Variants in XPR1 observed in about 807,000 individuals in gnomAD.
The protein encoded by XPR1 is solute carrier family 53 member 1.
In XPR1, 28 loss-of-function variants were observed where a neutral mutation model predicts 87.5. That is an observed-to-expected ratio of 0.32 (90% CI 0.24 to 0.44). The LOEUF is 0.44. XPR1 is among the 20% of genes least tolerant of loss of function. The probability of loss-of-function intolerance (pLI) is 1.00; values close to 1 mark genes in which losing one functional copy is unlikely to be tolerated. For synonymous variants in XPR1, 300 were observed against 306.1 expected, an observed-to-expected ratio of 0.98 and a Z score of 0.21; for missense variants, 559 against 862.3, an observed-to-expected ratio of 0.65 and a Z score of 4.41.
At chr1:180,671,561 G>GT (rs1656175619) in intron 1 of XPR1, among the ~76,000 whole-genome samples, 1 of 152,132 alleles carries the variant, frequency 6.6e-6, no homozygotes, top group East Asian at 1.9e-4. Context: ...GTCTCGTCCT[G>GT]TCACCCAGGC....
intron 2 of XPR1, among the ~76,000 whole-genome samples, chr1:180,708,171 A>T (rs1571748945): frequency 6.6e-6 from 1 of 152,196 alleles, no homozygotes; most frequent in African/African-American, 2.4e-5. Context: ...TCTATTACAA[A>T]TAGGAGTTTT....
intron 7 of XPR1, among the ~76,000 whole-genome samples, chr1:180,822,788 A>T (rs1263547190): frequency 2.0e-5 from 3 of 152,222 alleles, no homozygotes; most frequent in East Asian, 1.9e-4. Flanking sequence ...ACTTTAAAAA[A>T]AAATAAATAA....
At chr1:180,872,719 C>T (rs1652542059) in intron 12 of XPR1, among the ~76,000 whole-genome samples, 1 of 145,888 alleles carries the variant, frequency 6.9e-6, no homozygotes, top group Non-Finnish European at 1.5e-5. Context: ...CACTGTCTGG[C>T]ACTCCCTAGT....
intron 13 of XPR1, among the ~76,000 whole-genome samples, chr1:180,878,637 G>A (rs747155077): frequency 6.6e-6 from 1 of 152,176 alleles, no homozygotes; most frequent in East Asian, 1.9e-4. Context: ...CAGCTAGCAA[G>A]TGGTAGAGCC....
chr1:180,728,300 G>C (rs866695249), intron 2 of XPR1, among the ~76,000 whole-genome samples: 3 of 146,284 alleles, frequency 2.1e-5, no homozygotes, highest in East Asian at 2.1e-4. Flanking sequence ...TTATAACTGG[G>C]GGGGGGGGTA....
chr1:180,743,940 C>A (rs749518774), intron 2 of XPR1, among the ~76,000 whole-genome samples: 5 of 152,168 alleles, frequency 3.3e-5, no homozygotes, highest in Non-Finnish European at 5.9e-5. Flanking sequence ...TATGATCCAT[C>A]TGGCCTTGGA....
chr1:180,748,166 T>A (rs61809356), intron 2 of XPR1, among the ~76,000 whole-genome samples: 8,082 of 152,180 alleles, frequency 0.053, 310 homozygotes, highest in Non-Finnish European at 0.078. Context: ...TTTAATTCTC[T>A]TGTCTGTGAA....
intron 2 of XPR1, among the ~76,000 whole-genome samples, chr1:180,745,368 G>C (rs1659057924): frequency 6.6e-6 from 1 of 152,210 alleles, no homozygotes; most frequent in Non-Finnish European, 1.5e-5. Context: ...GCAAGAGAGA[G>C]AGCACGAGTG....
In XPR1 at chr1:180,749,628, A is replaced by T. The variant is rs149462830; in HGVS notation, c.122-38125A>T. Reference sequence around the variant, plus strand: ...TGTATATCAGTAAAATTTATAATAAACACATATACATCACACACACACACA... The same window carrying T: ...TGTATATCAGTAAAATTTATAATAATCACATATACATCACACACACACACA... On this transcript the variant is annotated intron_variant, in intron 2 of 14. Coordinates refer to ENST00000367590, the MANE Select transcript of XPR1 (RefSeq NM_004736.4). 2.1e-3 allele frequency among the ~76,000 whole-genome samples: 235 copies of T among 111,216 alleles called. 1 individual carries two copies. Among genetic ancestry groups the T allele is most frequent in the African/African-American group, 7.8e-3 (222 of 28,642 alleles). 73.0% of individuals were successfully genotyped at this position (111,216 alleles called of 152,430 possible). A position where few individuals can be genotyped will look rare whatever the true frequency, so the allele number is the denominator to read the frequency against.
intron 9 of XPR1, among the ~76,000 whole-genome samples, chr1:180,828,147 A>G (rs902264965): frequency 6.6e-6 from 1 of 152,050 alleles, no homozygotes; most frequent in Non-Finnish European, 1.5e-5. Flanking sequence ...AAGTGCTGGG[A>G]TTACAAGTGT....
At chr1:180,678,459 G>A (rs1319154069) in intron 1 of XPR1, among the ~76,000 whole-genome samples, 6 of 152,060 alleles carry the variant, frequency 3.9e-5, no homozygotes, top group African/African-American at 9.7e-5. Flanking sequence ...GCTCTATGCC[G>A]GGTACTGGAC....
chr1:180,826,846 T>C (rs1650862317), intron 9 of XPR1, among the ~76,000 whole-genome samples: 1 of 151,954 alleles, frequency 6.6e-6, no homozygotes, highest in Non-Finnish European at 1.5e-5. Flanking sequence ...ACATAAAATA[T>C]GGCTTTCTAT....
At chr1:180,703,596 G>A (rs1250787168) in intron 2 of XPR1, among the ~76,000 whole-genome samples, 2 of 152,176 alleles carry the variant, frequency 1.3e-5, no homozygotes, top group Non-Finnish European at 2.9e-5. Context: ...GGCAGCAGTG[G>A]TGAACAAGGG....
At chr1:180,746,097 A>G (rs1571792838) in intron 2 of XPR1, among the ~76,000 whole-genome samples, 2 of 151,646 alleles carry the variant, frequency 1.3e-5, no homozygotes, top group African/African-American at 2.4e-5. Flanking sequence ...TTATTTTACT[A>G]TGTTTTTTTA....
At chr1:180,664,281 A>G (rs945271477) in intron 1 of XPR1, among the ~76,000 whole-genome samples, 34 of 152,218 alleles carry the variant, frequency 2.2e-4, no homozygotes, top group African/African-American at 8.2e-4. Flanking sequence ...AGTCTCACCC[A>G]AGGCCCATGG....
intron 7 of XPR1, among the ~76,000 whole-genome samples, chr1:180,822,915 G>A (rs1650690371): frequency 6.6e-6 from 1 of 152,078 alleles, no homozygotes; most frequent in Non-Finnish European, 1.5e-5. Flanking sequence ...AGAATACAAA[G>A]GTAAACAATA....
At chr1:180,853,449 A>G (rs1455986831) in intron 11 of XPR1, among the ~76,000 whole-genome samples, 2 of 152,042 alleles carry the variant, frequency 1.3e-5, no homozygotes, top group African/African-American at 2.4e-5. Context: ...TTGCTAAGGC[A>G]TTTTTATCAT....
rs1651386818 is a variant in XPR1, at chr1:180,838,519, C to CT, written c.1501+1804dup. On this transcript the variant is annotated intron_variant, in intron 11 of 14. Coordinates refer to ENST00000367590, the MANE Select transcript of XPR1 (RefSeq NM_004736.4). ...AAAACAAATCTAAAACAAATCTAAA[C>CT]TAAAAAAGTAACAGTTTAGATAGTA... 2.6e-5 allele frequency among the ~76,000 whole-genome samples: 4 copies of CT among 152,228 alleles called. No individual in the cohort carries two copies. The South Asian group carries it at 8.3e-4, about 32-fold the overall frequency.
rs539650279 is a variant in XPR1 at position 180,846,093 on chromosome 1, C to T, written c.1501+9377C>T. ...TAGCCAACATGGCAAAACCCTGTCTCTACTAAAAATTATAAAAAATTAGCC... is the reference window on the plus strand; with the variant it reads ...TAGCCAACATGGCAAAACCCTGTCTTTACTAAAAATTATAAAAAATTAGCC... On this transcript the variant is annotated intron_variant, in intron 11 of 14. Coordinates refer to ENST00000367590, the MANE Select transcript of XPR1 (RefSeq NM_004736.4). 1.9e-3 allele frequency among the ~76,000 whole-genome samples: 286 copies of T among 152,174 alleles called. 1 individual carries two copies. The highest frequency in any genetic ancestry group is 5.8e-3 in the African/African-American group (242 of 41,514).
Sources: allele counts gnomAD v4.1 joint callset (sites outside exome capture counted in the v4.1 genomes callset), GRCh38; gene constraint gnomAD v4.1.1; transcripts MANE v1.5; gene names NCBI Gene and HGNC (gene_info 2026-07-23, HGNC 2026-07-21).